HDGFL3: variants seen among roughly 807,000 people sequenced by gnomAD.
HDGFL3 encodes the protein hepatoma-derived growth factor-related protein 3.
Under a neutral mutation model 27.6 loss-of-function variants are expected in HDGFL3, and 6 were observed. The ratio of observed to expected loss-of-function variants is 0.22; its 90% confidence interval spans 0.12 to 0.43. The LOEUF (loss-of-function observed/expected upper bound fraction) is 0.43. Among genes scored for constraint, HDGFL3 ranks in the 20% least tolerant of loss-of-function variants. The probability of loss-of-function intolerance (pLI) is 1.00; values close to 1 mark genes in which losing one functional copy is unlikely to be tolerated. For missense variants in HDGFL3, 207 were observed against 250.1 expected (o/e 0.83, Z 1.16); for synonymous variants, 88 against 88.9 (o/e 0.99, Z 0.05).
intron 3 of HDGFL3, among the ~76,000 whole-genome samples, chr15:83,120,953 G>A (rs559735749): frequency 2.0e-5 from 3 of 151,896 alleles, no homozygotes; most frequent in South Asian, 4.2e-4. Context: ...GCTTGAGGGC[G>A]GGGGTGGGGC....
chr15:83,122,084 A>G (rs2035309399), intron 3 of HDGFL3: 4 of 1,099,420 alleles, frequency 3.6e-6, no homozygotes, highest in African/African-American at 3.2e-5. Flanking sequence ...TCTTTTAGTT[A>G]TAATAGAACC....
chr15:83,173,961 T>C (rs965305771), intron 1 of HDGFL3, among the ~76,000 whole-genome samples: 6 of 152,240 alleles, frequency 3.9e-5, no homozygotes, highest in Non-Finnish European at 8.8e-5. Flanking sequence ...AAAGTCATCT[T>C]TGAACTGAAT....
chr15:83,147,960 G>A (rs1230935426), intron 5 of HDGFL3, among the ~76,000 whole-genome samples: 1 of 152,100 alleles, frequency 6.6e-6, no homozygotes, highest in African/African-American at 2.4e-5. Context: ...ATAAGAAAAT[G>A]GGCAAAACCC....
At chr15:83,147,570 C>T (rs192761735) in intron 5 of HDGFL3, among the ~76,000 whole-genome samples, 6 of 152,180 alleles carry the variant, frequency 3.9e-5, no homozygotes, top group Admixed American at 2.0e-4. Flanking sequence ...GATATCAGGA[C>T]TCATTATAAA....
intron 1 of HDGFL3, among the ~76,000 whole-genome samples, chr15:83,186,417 TTCTAAG>T (rs1357775993): frequency 6.6e-6 from 1 of 152,192 alleles, no homozygotes; most frequent in Non-Finnish European, 1.5e-5. Context: ...GTAATTTCCA[TTCTAAG>T]TCTCATTTAG....
At chr15:83,154,521 G>T (rs545272520) in intron 4 of HDGFL3, among the ~76,000 whole-genome samples, 1 of 152,138 alleles carries the variant, frequency 6.6e-6, no homozygotes, top group South Asian at 2.1e-4. Context: ...TTCTGAAATA[G>T]AAATTCTGGG....
At chr15:83,177,924 A>G (rs2037333414) in intron 1 of HDGFL3, among the ~76,000 whole-genome samples, 1 of 152,222 alleles carries the variant, frequency 6.6e-6, no homozygotes, top group African/African-American at 2.4e-5. Context: ...TAAAAACAAT[A>G]GTGGTACAGA....
rs2037403294 is a variant in HDGFL3, at chr15:83,183,444, A to G, written c.85-19369T>C. 2.0e-5 allele frequency among the ~76,000 whole-genome samples: 3 copies of G among 152,168 alleles called. No individual in the cohort carries two copies. The South Asian group carries it at 6.2e-4, about 32-fold the overall frequency. Reference sequence around the variant, plus strand: ...CAGGCCCTCAAAAAACTGAACCAACAAGAACCTTGTCTGATTGAATATAAA... The same window carrying G: ...CAGGCCCTCAAAAAACTGAACCAACGAGAACCTTGTCTGATTGAATATAAA... On this transcript the variant is annotated intron_variant, in intron 1 of 5. Coordinates refer to ENST00000299633, the MANE Select transcript of HDGFL3 (RefSeq NM_016073.4).
chr15:83,124,765 T>G (rs1280667274), downstream of HDGFL3: 1 of 1,613,576 alleles, frequency 6.2e-7, no homozygotes, highest in Non-Finnish European at 8.5e-7. Context: ...ATTTTGCCTG[T>G]TCAGAGGTTT....
At chr15:83,162,949 T>C (rs2037119397) in intron 2 of HDGFL3, among the ~76,000 whole-genome samples, 1 of 152,212 alleles carries the variant, frequency 6.6e-6, no homozygotes, top group African/African-American at 2.4e-5. Flanking sequence ...TTCCACAGTA[T>C]TCATGCTCTT....
intron 1 of HDGFL3, among the ~76,000 whole-genome samples, chr15:83,186,953 C>T (rs937465960): frequency 1.6e-4 from 25 of 151,884 alleles, no homozygotes; most frequent in African/African-American, 5.8e-4. Flanking sequence ...TTTATCTGAT[C>T]AATATTAGCA....
At chr15:83,122,451 A>G (rs977484093) in intron 3 of HDGFL3, among the ~76,000 whole-genome samples, 1 of 152,222 alleles carries the variant, frequency 6.6e-6, no homozygotes, top group Non-Finnish European at 1.5e-5. Context: ...ACAAACATAT[A>G]TAGATACCTA....
rs2037744520 is a variant in HDGFL3, at chr15:83,207,796, G to A, written c.-382C>T. 6.7e-6 allele frequency: 1 copy of A among 150,198 alleles called. No individual in the cohort carries two copies. Among genetic ancestry groups the A allele is most frequent in the Non-Finnish European group, 1.5e-5 (1 of 67,262 alleles). The allele number at this position is 150,198 out of a possible 1,614,324, so 9.3% of individuals were successfully genotyped here. On this transcript the variant is annotated 5_prime_UTR_variant, in exon 1 of 6. Coordinates refer to ENST00000299633, the MANE Select transcript of HDGFL3 (RefSeq NM_016073.4). The surrounding 1 kb of genome is among the most constrained non-coding windows in gnomAD (Gnocchi z 4.8). Reference sequence around the variant, plus strand: ...CTCCCGGGCGCGGCGCGAGCGCCGGGCCTCGCGTCTGCTCCGAATTCCTTC... The same window carrying A: ...CTCCCGGGCGCGGCGCGAGCGCCGGACCTCGCGTCTGCTCCGAATTCCTTC...
rs1367539518 is a variant in HDGFL3 at position 83,207,300 on chromosome 15, G to A, written c.84+31C>T. On this transcript the variant is annotated intron_variant, in intron 1 of 5. Coordinates refer to ENST00000299633, the MANE Select transcript of HDGFL3 (RefSeq NM_016073.4). The surrounding 1 kb of genome is among the most constrained non-coding windows in gnomAD (Gnocchi z 4.8). ...CATCATGAAGGGGAAAATGGTGGGC[G>A]GGCGGGCCCGCGCGCGGCCGCGGTA... 7.6e-7 allele frequency: 1 copy of A among 1,317,852 alleles called. No individual in the cohort carries two copies. 81.6% of individuals were successfully genotyped at this position (1,317,852 alleles called of 1,614,324 possible). A position where few individuals can be genotyped will look rare whatever the true frequency, so the allele number is the denominator to read the frequency against.
chr15:83,198,595 A>G (rs896658912), intron 1 of HDGFL3, among the ~76,000 whole-genome samples: 1 of 152,178 alleles, frequency 6.6e-6, no homozygotes, highest in African/African-American at 2.4e-5. Context: ...TATTTAGCTC[A>G]TGGTTCTGCA....
chr15:83,150,607 T>A (rs114980221), intron 5 of HDGFL3, among the ~76,000 whole-genome samples: 1 of 152,180 alleles, frequency 6.6e-6, no homozygotes, highest in African/African-American at 2.4e-5. Context: ...CTAGTCTTCA[T>A]AGAGGAAAGA....
chr15:83,174,708 C>T (rs1234151591), intron 1 of HDGFL3, among the ~76,000 whole-genome samples: 1 of 152,134 alleles, frequency 6.6e-6, no homozygotes, highest in African/African-American at 2.4e-5. Context: ...ATGTGATAGG[C>T]ACTGAATTAC....
Position 83,172,822 on chromosome 15 carries a change from CAAAAAAA to C in HDGFL3, c.85-8754_85-8748del, listed in dbSNP as rs767796165. Among the ~76,000 whole-genome samples, 3 of 66,758 alleles carry C rather than the reference CAAAAAAA, an allele frequency of 4.5e-5. No individual in the cohort carries two copies. In the South Asian group the frequency reaches 1.4e-3, roughly 31 times the overall value. The allele number at this position is 66,758 out of a possible 152,430, so 43.8% of individuals were successfully genotyped here. On this transcript the variant is annotated intron_variant, in intron 1 of 5. Coordinates refer to ENST00000299633, the MANE Select transcript of HDGFL3 (RefSeq NM_016073.4). ...GGTGACAGAGCAATAGACTCCAGCT[CAAAAAAA>C]AAAAAAAAAGGAAAAGAAACTGTAT...
chr15:83,198,151 T>C (rs540380687), intron 1 of HDGFL3, among the ~76,000 whole-genome samples: 2 of 151,430 alleles, frequency 1.3e-5, no homozygotes, highest in African/African-American at 4.8e-5. Flanking sequence ...AATTAAAATC[T>C]ATATAACTAA....
Sources: allele counts gnomAD v4.1 joint callset (sites outside exome capture counted in the v4.1 genomes callset), GRCh38; gene constraint gnomAD v4.1.1; non-coding constraint Gnocchi (gnomAD v3.1); transcripts MANE v1.5; gene names NCBI Gene and HGNC (gene_info 2026-07-23, HGNC 2026-07-21).